The following TMEM239 variants were observed in gnomAD, a reference collection of about 807,000 sequenced individuals.
TMEM239 encodes the protein transmembrane protein 239.
In TMEM239, 10 loss-of-function variants were observed where a neutral mutation model predicts 14.6. The observed-to-expected ratio is 0.68, with a 90% CI of 0.42 to 1.16. The LOEUF (loss-of-function observed/expected upper bound fraction) is 1.16. TMEM239 is among the 50% of genes most tolerant of loss of function. The probability of loss-of-function intolerance (pLI) is 0.00; values close to 1 mark genes in which losing one functional copy is unlikely to be tolerated. For synonymous variants in TMEM239, 94 were observed against 89.9 expected, an observed-to-expected ratio of 1.05 and a Z score of -0.26; for missense variants, 183 against 194.4, an observed-to-expected ratio of 0.94 and a Z score of 0.35.
Position 2,816,686 on chromosome 20 carries a change from C to T in TMEM239, c.132C>T (p.Ser44=). 6.5e-7 allele frequency: 1 copy of T among 1,544,386 alleles called. No homozygotes were observed. ...GGTGGGTGAGCCACATGCCCCCGAG[C>T]TGGATCCAGTGGTGGAGCACCTCGA... ...VRWWVSHMPP[S]WIQWWSTSNW... Residue 44 remains serine (S), a synonymous_variant, in exon 2 of 2, where the codon AGC becomes AGT. Coordinates refer to ENST00000380585, the MANE Select transcript of TMEM239 (RefSeq NM_001167670.3).
At chr20:2,816,500 C>CCCCCCCG in intron 1 of TMEM239, 44 bp from the exon 2 acceptor site, 1 of 1,526,732 alleles carries the variant, frequency 6.5e-7, no homozygotes, top group Admixed American at 2.0e-5. Context: ...TGCCCCCCCC[C>CCCCCCCG]CCCAAGGTCC....
chr20:2,816,083 C>T (rs552248014), upstream of TMEM239, among the ~76,000 whole-genome samples: 18 of 152,208 alleles, frequency 1.2e-4, no homozygotes, highest in African/African-American at 3.4e-4. Flanking sequence ...GAAAGACTTG[C>T]GAGAGAGCAG....
chr20:2,816,999 G>A lies in TMEM239; in HGVS notation c.445G>A (p.Asp149Asn), dbSNP rs1361074516. 3.9e-6 allele frequency: 6 copies of A among 1,537,844 alleles called. No individual in the cohort carries two copies. Among genetic ancestry groups the A allele is most frequent in the Middle Eastern group, 1.7e-4 (1 of 6,018 alleles). ...TSMTHPGDTQ[D>N]LDQ ...CATGACTCACCCAGGCGACACTCAGGATTTGGATCAATAGAAGGGCAACCC... is the reference window on the plus strand; with the variant it reads ...CATGACTCACCCAGGCGACACTCAGAATTTGGATCAATAGAAGGGCAACCC... Residue 149 changes from aspartate to asparagine, a missense_variant, in exon 2 of 2, where the codon GAT becomes AAT. Physicochemically the swap from Asp to Asn is conservative, Grantham distance 23. Coordinates refer to ENST00000380585, the MANE Select transcript of TMEM239 (RefSeq NM_001167670.3).
rs2088696293 is a variant in TMEM239, at chr20:2,817,901, TAAG to T, written c.*890_*892del. 6.6e-6 allele frequency: 1 copy of T among 152,204 alleles called. No individual in the cohort carries two copies. Among genetic ancestry groups the T allele is most frequent in the Admixed American group, 6.5e-5 (1 of 15,280 alleles). 9.4% of individuals were successfully genotyped at this position (152,204 alleles called of 1,614,324 possible). A position where few individuals can be genotyped will look rare whatever the true frequency, so the allele number is the denominator to read the frequency against. ...GCTCTAAGAACTTTCTGTAGGCGCA[TAAG>T]ATCTTTTGACCCCAAAGACTGTTGA... On this transcript the variant is annotated 3_prime_UTR_variant, in exon 2 of 2. Coordinates refer to ENST00000380585, the MANE Select transcript of TMEM239 (RefSeq NM_001167670.3).
At chr20:2,819,648 G>C (rs2088706986), downstream of TMEM239, 1 of 149,722 alleles carries the variant, frequency 6.7e-6, no homozygotes, top group Non-Finnish European at 1.5e-5. Context: ...TGCAATCTCG[G>C]CTCACTGCGC....
chr20:2,818,144 G>C (rs904809648), downstream of TMEM239: 33 of 152,196 alleles, frequency 2.2e-4, no homozygotes, highest in African/African-American at 7.7e-4. Flanking sequence ...TGTGTGAGTG[G>C]GGACAGCACA....
In TMEM239 at chr20:2,817,158, A is replaced by G; in HGVS notation, c.*145A>G. 1.9e-6 allele frequency: 2 copies of G among 1,054,074 alleles called. No individual in the cohort carries two copies. Among genetic ancestry groups the G allele is most frequent in the Non-Finnish European group, 2.7e-6 (2 of 747,172 alleles). 65.3% of individuals were successfully genotyped at this position (1,054,074 alleles called of 1,614,324 possible). On this transcript the variant is annotated 3_prime_UTR_variant, in exon 2 of 2. Transcript: ENST00000380585. ...AGTCCCTAACAGGTAGACTGGCCTG[A>G]CCCCGGACTCCTTCCTCAAGTCAAT... is the stretch of plus-strand genomic sequence containing the variant.
chr20:2,816,990 G>A lies in TMEM239; in HGVS notation c.436G>A (p.Asp146Asn), dbSNP rs1239862528. 14 of 1,537,806 alleles carry A rather than the reference G, an allele frequency of 9.1e-6. No individual in the cohort carries two copies. The highest frequency in any genetic ancestry group is 5.9e-5 in the Admixed American group (3 of 50,980). Residue 146 changes from aspartate to asparagine, a missense_variant, in exon 2 of 2, where the codon GAC becomes AAC. Transcript: ENST00000380585. ...CCTCACCTCCATGACTCACCCAGGC[G>A]ACACTCAGGATTTGGATCAATAGAA... ...GLLTSMTHPGDTQDLDQ is the reference protein window; with the variant it reads ...GLLTSMTHPGNTQDLDQ
At position 2,816,853 on chromosome 20, in the gene TMEM239, G is replaced by T; in HGVS notation, c.299G>T (p.Trp100Leu). Residue 100 changes from tryptophan (W) to leucine (L), a missense_variant, in exon 2 of 2, where the codon TGG becomes TTG. Transcript: ENST00000380585. ...TTGTGGCCTGTCGTGGCCGCGGTGT[G>T]GCGCCACCTGCTACCGGCTCTCCTG... ...SSLWPVVAAV[W>L]RHLLPALLLL... 6.5e-7 allele frequency: 1 copy of T among 1,547,494 alleles called. No homozygotes were observed. The highest frequency in any genetic ancestry group is 8.7e-7 in the Non-Finnish European group (1 of 1,146,974).
Position 2,816,580 on chromosome 20 carries a change from C to G in TMEM239, c.26C>G (p.Thr9Arg), listed in dbSNP as rs2088674696. MMQQPRVE[T>R]DTIGAGEGPQ... ...ATGATGCAGCAGCCGCGAGTGGAGA[C>G]AGATACCATCGGGGCTGGCGAGGGG... is the stretch of plus-strand genomic sequence containing the variant. The change falls in exon 2 of 2, where the codon ACA becomes AGA. Residue 9 changes from threonine (T) to arginine (R), a missense_variant. Transcript: ENST00000380585. The G allele has an allele frequency of 6.5e-7, 1 of 1,533,700 alleles. No individual in the cohort carries two copies. Among genetic ancestry groups the G allele is most frequent in the African/African-American group, 1.4e-5 (1 of 72,446 alleles).
downstream of TMEM239, chr20:2,819,687 T>C (rs1390826634): frequency 6.6e-6 from 1 of 150,984 alleles, no homozygotes; most frequent in East Asian, 1.9e-4. Flanking sequence ...GCAATTCTCC[T>C]GCCTCAGCCT....
intron 1 of TMEM239, 44 bp from the exon 2 acceptor site, chr20:2,816,500 C>T (rs535751196): frequency 8.2e-5 from 125 of 1,526,902 alleles, no homozygotes; most frequent in Non-Finnish European, 1.0e-4. Flanking sequence ...TGCCCCCCCC[C>T]CCCAAGGTCC....
chr20:2,817,228 G>A lies in TMEM239; in HGVS notation c.*215G>A. ...AGGGGCTGGGGGCTTTGAGAAGAGGGGGCAAGACAGATGGCTTAGCCATTG... is the reference window on the plus strand; with the variant it reads ...AGGGGCTGGGGGCTTTGAGAAGAGGAGGCAAGACAGATGGCTTAGCCATTG... On this transcript the variant is annotated 3_prime_UTR_variant, in exon 2 of 2. Transcript: ENST00000380585. 2 of 647,008 alleles carry A rather than the reference G, an allele frequency of 3.1e-6. No homozygotes were observed. The highest frequency in any genetic ancestry group is 2.6e-6 in the Non-Finnish European group (1 of 381,310). 40.1% of individuals were successfully genotyped at this position (647,008 alleles called of 1,614,324 possible).
rs749747424 is a variant in TMEM239, at chr20:2,816,777, C to T, written c.223C>T (p.Leu75=). The T allele has an allele frequency of 1.3e-6, 2 of 1,551,240 alleles. No homozygotes were observed. Among genetic ancestry groups the T allele is most frequent in the South Asian group, 1.2e-5 (1 of 84,068 alleles). ...GGGGATACTCTACCTGCTGCTGGCA[C>T]TGATGTTGTGCCATGCACTCTTCAC... ...LEGILYLLLA[L]MLCHALFTTG... The change falls in exon 2 of 2, where the codon CTG becomes TTG. Residue 75 remains leucine, a synonymous_variant. Transcript: ENST00000380585.
Position 2,816,835 on chromosome 20 carries a change from C to T in TMEM239, c.281C>T (p.Pro94Leu), listed in dbSNP as rs1324413175. The change falls in exon 2 of 2, where the codon CCT becomes CTT. Residue 94 changes from proline to leucine, a missense_variant. Pro to Leu is a moderately conservative substitution (Grantham distance 98). Transcript: ENST00000380585. ...TGSHLLSSLW[P>L]VVAAVWRHLL... is the part of the protein sequence containing the mutation. ...TCCCACCTGCTGAGCTCCTTGTGGC[C>T]TGTCGTGGCCGCGGTGTGGCGCCAC... 2 of 1,549,660 alleles carry T rather than the reference C, an allele frequency of 1.3e-6. No homozygotes were observed.
Position 2,816,378 on chromosome 20 carries a change from G to A in TMEM239, c.-49G>A, listed in dbSNP as rs541481012. On this transcript the variant is annotated 5_prime_UTR_variant, in exon 1 of 2. Coordinates refer to ENST00000380585, the MANE Select transcript of TMEM239 (RefSeq NM_001167670.3). ...ATCTGCCTGCCAGGCCGTCCTGGGCGCTGCAGGAAGCAACATGACTTAGGT... is the reference window on the plus strand; with the variant it reads ...ATCTGCCTGCCAGGCCGTCCTGGGCACTGCAGGAAGCAACATGACTTAGGT... 5.3e-5 allele frequency: 82 copies of A among 1,535,920 alleles called. No individual in the cohort carries two copies. Among genetic ancestry groups the A allele is most frequent in the South Asian group, 1.5e-4 (13 of 84,052 alleles).
rs767176558 is a variant in TMEM239 at position 2,816,606 on chromosome 20, C to G, written c.52C>G (p.Pro18Ala). 6.5e-7 allele frequency: 1 copy of G among 1,537,924 alleles called. No homozygotes were observed. Among genetic ancestry groups the G allele is most frequent in the South Asian group, 1.2e-5 (1 of 84,038 alleles). ...AGATACCATCGGGGCTGGCGAGGGG[C>G]CACAGCAGGCAGTGCCCTGGTCAGC... ...ETDTIGAGEG[P>A]QQAVPWSAWV... Residue 18 changes from proline (P) to alanine (A), a missense_variant, in exon 2 of 2, where the codon CCA (proline) becomes GCA (alanine). Transcript: ENST00000380585.
chr20:2,816,501 C>G lies in TMEM239; in HGVS notation c.-11-43C>G, dbSNP rs6132970. On this transcript the variant is annotated intron_variant, in intron 1 of 1. Coordinates refer to ENST00000380585, the MANE Select transcript of TMEM239 (RefSeq NM_001167670.3). ...CTGCACCCCCTCTCTGCCCCCCCCC[C>G]CCAAGGTCCCAGGCATCTTCAAGAC... The G allele has an allele frequency of 1.3e-3, 1,965 of 1,528,340 alleles. 28 individuals carry two copies. In the African/African-American group the frequency reaches 0.022, roughly 17 times the overall value. The allele number at this position is 1,528,340 out of a possible 1,614,324, so 94.7% of individuals were successfully genotyped here. A position where few individuals can be genotyped will look rare whatever the true frequency, so the allele number is the denominator to read the frequency against.
rs1375364091 is a variant in TMEM239 at position 2,816,604 on chromosome 20, G to T, written c.50G>T (p.Gly17Val). Residue 17 changes from glycine to valine, a missense_variant, in exon 2 of 2, where the codon GGG (glycine) becomes GTG (valine). Transcript: ENST00000380585. ...VETDTIGAGE[G>V]PQQAVPWSAW... Reference sequence around the variant, plus strand: ...ACAGATACCATCGGGGCTGGCGAGGGGCCACAGCAGGCAGTGCCCTGGTCA... The same window carrying T: ...ACAGATACCATCGGGGCTGGCGAGGTGCCACAGCAGGCAGTGCCCTGGTCA... The T allele has an allele frequency of 6.5e-7, 1 of 1,537,994 alleles. No homozygotes were observed. The highest frequency in any genetic ancestry group is 8.7e-7 in the Non-Finnish European group (1 of 1,146,876).
Sources: allele counts gnomAD v4.1 joint callset (sites outside exome capture counted in the v4.1 genomes callset), GRCh38; gene constraint gnomAD v4.1.1; transcripts MANE v1.5; gene names NCBI Gene and HGNC (gene_info 2026-07-23, HGNC 2026-07-21).